Variants in C13orf46 observed in about 807,000 individuals in gnomAD.
C13orf46 encodes the protein uncharacterized protein C13orf46.
At chr13:113,973,503 G>C (rs971516499) in intron 1 of C13orf46, among the ~76,000 whole-genome samples, 2 of 152,188 alleles carry the variant, frequency 1.3e-5, no homozygotes, top group African/African-American at 2.4e-5. Flanking sequence ...GCAGCCCTGT[G>C]TCTCCTCTAC....
In C13orf46 at chr13:113,956,017, G is replaced by A. The variant is rs1262084353; in HGVS notation, c.*756C>T. The A allele has an allele frequency of 9.6e-4, 152 of 157,944 alleles. 5 individuals carry two copies. The highest frequency in any genetic ancestry group is 6.5e-3 in the Middle Eastern group (2 of 308). The allele number at this position is 157,944 out of a possible 1,614,324, so 9.8% of individuals were successfully genotyped here. A position where few individuals can be genotyped will look rare whatever the true frequency, so the allele number is the denominator to read the frequency against. On this transcript the variant is annotated 3_prime_UTR_variant, in exon 7 of 7. Transcript: ENST00000636427. Reference sequence around the variant, plus strand: ...GCAGAGAGGAGGAGTAGGATCTGGCGGAGAGGAGGAGTAGGATCTGGCAGA... The same window carrying A: ...GCAGAGAGGAGGAGTAGGATCTGGCAGAGAGGAGGAGTAGGATCTGGCAGA...
the C13orf46 span, among the ~76,000 whole-genome samples, chr13:113,943,095 G>A: frequency 6.6e-5 from 10 of 152,298 alleles, no homozygotes; most frequent in East Asian, 1.2e-3. Context: ...AGGAGAGCTC[G>A]GGGAGAGCTC....
chr13:113,936,368 G>A, the C13orf46 span, among the ~76,000 whole-genome samples: 1 of 152,168 alleles, frequency 6.6e-6, no homozygotes, highest in Non-Finnish European at 1.5e-5. Flanking sequence ...GACCGGCTAT[G>A]GGGAAATATT....
Position 113,955,447 on chromosome 13 carries a change from G to A in C13orf46, c.*1326C>T, listed in dbSNP as rs1226077649. The A allele has an allele frequency of 2.6e-3, 427 of 161,324 alleles. 16 individuals carry two copies. In the East Asian group the frequency reaches 0.071, roughly 27 times the overall value. The allele number at this position is 161,324 out of a possible 1,614,324, so 10.0% of individuals were successfully genotyped here. On this transcript the variant is annotated 3_prime_UTR_variant, in exon 7 of 7. Coordinates refer to ENST00000636427, the MANE Select transcript of C13orf46 (RefSeq NM_001365455.2). ...CATCCGGCGGAGATGAGGAGCATCC[G>A]GTGGAGAGGAGGAGCATCTCGAGGA...
At position 113,965,766 on chromosome 13, in the gene C13orf46, GAT is replaced by G. The variant is rs1183508036; in HGVS notation, c.505-774_505-773del. On this transcript the variant is annotated intron_variant, in intron 5 of 6. Transcript: ENST00000636427. The stretch of plus-strand genomic sequence containing the variant: ...TGATGGTGATGATGGTGATGGTGAT[GAT>G]GGTGATGGTGATGATGGTAATTATA... Among the ~76,000 whole-genome samples, 787 of 151,192 alleles carry G rather than the reference GAT, an allele frequency of 5.2e-3. 15 individuals carry two copies. Among genetic ancestry groups the G allele is most frequent in the African/African-American group, 0.018 (719 of 41,056 alleles).
downstream of C13orf46, among the ~76,000 whole-genome samples, chr13:113,950,678 CCT>C (rs2052485102): frequency 6.6e-6 from 1 of 152,222 alleles, no homozygotes; most frequent in Non-Finnish European, 1.5e-5. Flanking sequence ...TGCCTCTGCC[CCT>C]GTGTGCACCA....
intron 1 of C13orf46, among the ~76,000 whole-genome samples, chr13:113,972,158 T>C (rs1484610892): frequency 4.6e-5 from 7 of 152,192 alleles, no homozygotes; most frequent in Non-Finnish European, 7.4e-5. Context: ...AAGTCCGCAC[T>C]GTGGTGGCAT....
intron 6 of C13orf46, among the ~76,000 whole-genome samples, chr13:113,962,383 G>GCAACAGAGTGAGA (rs2138983429): frequency 6.6e-6 from 1 of 152,320 alleles, no homozygotes; most frequent in African/African-American, 2.4e-5. Context: ...TCCAGCCTGG[G>GCAACAGAGTGAGA]CAACAGAGTG....
chr13:113,945,007 C>T, the C13orf46 span, among the ~76,000 whole-genome samples: 3 of 120,134 alleles, frequency 2.5e-5, no homozygotes, highest in Non-Finnish European at 3.4e-5. Context: ...TGTGACAAGT[C>T]CTCCAGGTGT....
chr13:113,931,533 C>T, the C13orf46 span, among the ~76,000 whole-genome samples: 900 of 152,258 alleles, frequency 5.9e-3, 9 homozygotes, highest in African/African-American at 0.021. Flanking sequence ...GCCCCTCAGA[C>T]GGCACCTGCG....
the C13orf46 span, among the ~76,000 whole-genome samples, chr13:113,946,927 C>T: frequency 2.6e-5 from 4 of 152,244 alleles, no homozygotes; most frequent in Non-Finnish European, 4.4e-5. Context: ...AGGCCTGGCA[C>T]CCTTGGGGCC....
chr13:113,957,864 T>TGG (rs1161619550), intron 6 of C13orf46, among the ~76,000 whole-genome samples: 2 of 132,236 alleles, frequency 1.5e-5, no homozygotes, highest in African/African-American at 2.9e-5. Context: ...TCAAGCGCAC[T>TGG]GGGGGTCTCC....
chr13:113,959,763 C>T (rs2052572940), intron 6 of C13orf46, among the ~76,000 whole-genome samples: 1 of 152,132 alleles, frequency 6.6e-6, no homozygotes, highest in South Asian at 2.1e-4. Context: ...TGGACTTGTC[C>T]AAGTTATCTC....
chr13:113,934,746 C>T, the C13orf46 span, among the ~76,000 whole-genome samples: 2 of 152,250 alleles, frequency 1.3e-5, no homozygotes, highest in Non-Finnish European at 1.5e-5. Context: ...CAGACCTGAG[C>T]GTGTCGCTGC....
chr13:113,939,667 G>A, the C13orf46 span, among the ~76,000 whole-genome samples: 6 of 152,302 alleles, frequency 3.9e-5, no homozygotes, highest in South Asian at 2.1e-4. Context: ...GCACAGACCC[G>A]TTTCTCACCC....
intron 1 of C13orf46, chr13:113,970,441 G>T (rs1241810782): frequency 6.6e-6 from 1 of 152,390 alleles, no homozygotes; most frequent in Non-Finnish European, 1.5e-5. Flanking sequence ...GCCTGGCTCA[G>T]CCCCAGCAGC....
At chr13:113,936,940 G>A in the C13orf46 span, among the ~76,000 whole-genome samples, 1 of 152,146 alleles carries the variant, frequency 6.6e-6, no homozygotes, top group Non-Finnish European at 1.5e-5. Context: ...AGAATAAAGG[G>A]GGGTAATCCT....
At chr13:113,972,235 A>T (rs1470052865) in intron 1 of C13orf46, among the ~76,000 whole-genome samples, 1 of 152,242 alleles carries the variant, frequency 6.6e-6, no homozygotes, top group African/African-American at 2.4e-5. Context: ...CCTTGGCGTA[A>T]CTTATTCTTT....
intron 5 of C13orf46, among the ~76,000 whole-genome samples, chr13:113,966,421 G>A (rs2052648914): frequency 6.6e-6 from 1 of 150,512 alleles, no homozygotes; most frequent in Non-Finnish European, 1.5e-5. Flanking sequence ...TGATGATGAT[G>A]TGATAATGAT....
Sources: gnomAD v4.1 joint callset for allele counts (sites outside exome capture counted in the v4.1 genomes callset) on GRCh38, gnomAD v4.1.1 for gene constraint, MANE v1.5 for transcripts, NCBI Gene and HGNC (gene_info 2026-07-23, HGNC 2026-07-21) for gene names.